Variants in ZNF888 observed in about 807,000 individuals in gnomAD.
ZNF888 encodes CTD-2331H12.6.
A neutral mutation model predicts 7.2 loss-of-function variants in ZNF888; 5 were observed. The observed-to-expected ratio is 0.70, with a 90% CI of 0.36 to 1.46. The LOEUF is 1.46. ZNF888 is among the 40% of genes most tolerant of loss of function. The probability of loss-of-function intolerance (pLI) is 0.03; values close to 1 mark genes in which losing one functional copy is unlikely to be tolerated. For synonymous variants in ZNF888, 240 were observed against 284.3 expected, an observed-to-expected ratio of 0.84 and a Z score of 1.57; for missense variants, 716 against 858.0, an observed-to-expected ratio of 0.83 and a Z score of 2.07.
At chr19:52,910,179 A>T (rs1310653470) in intron 4 of ZNF888, among the ~76,000 whole-genome samples, 13 of 141,358 alleles carry the variant, frequency 9.2e-5, no homozygotes, top group South Asian at 4.6e-4. Context: ...AAAAAAAAAG[A>T]ACTGAATAAC....
At position 52,919,422 on chromosome 19, in the gene ZNF888, G is replaced by T. The variant is rs2064795411; in HGVS notation, c.-177-485C>A. Among the ~76,000 whole-genome samples, 4 of 69,578 alleles carry T rather than the reference G, an allele frequency of 5.7e-5. 2 individuals carry two copies. The highest frequency in any genetic ancestry group is 1.4e-4 in the Non-Finnish European group (4 of 29,136). The allele number at this position is 69,578 out of a possible 152,430, so 45.6% of individuals were successfully genotyped here. A position where few individuals can be genotyped will look rare whatever the true frequency, so the allele number is the denominator to read the frequency against. ...CTAACCGCCAGCCTCGGCCTCCCGA[G>T]GTGCCGGGATTGCAGACGGAGTCTC... On this transcript the variant is annotated intron_variant, in intron 1 of 4. Coordinates refer to ENST00000638862, the MANE Select transcript of ZNF888 (RefSeq NM_001393938.1).
intron 3 of ZNF888, among the ~76,000 whole-genome samples, 175 bp downstream of exon 3, chr19:52,917,684 T>C (rs148663866): frequency 3.9e-4 from 60 of 152,250 alleles, no homozygotes; most frequent in Admixed American, 1.4e-3. Flanking sequence ...GTTCATGTCA[T>C]TGGGTCACGA....
chr19:52,909,755 AAAACCAC>A, intron 4 of ZNF888, among the ~76,000 whole-genome samples: 1 of 152,346 alleles, frequency 6.6e-6, no homozygotes, highest in South Asian at 2.1e-4. Context: ...TCTTAAGAAA[AAAACCAC>A]AACTTGTTCT....
Position 52,908,281 on chromosome 19 carries a change from C to A in ZNF888, c.143-102G>T, listed in dbSNP as rs2064635801. 6.0e-6 allele frequency: 7 copies of A among 1,161,032 alleles called. No homozygotes were observed. The South Asian group carries it at 6.6e-5, about 11-fold the overall frequency. 71.9% of individuals were successfully genotyped at this position (1,161,032 alleles called of 1,614,324 possible). ...CAAAAACAATACTTATTTTAAACAT[C>A]TCAAACATGAGCTTCAAAGTTCAGG... On this transcript the variant is annotated intron_variant, in intron 4 of 4. Coordinates refer to ENST00000638862, the MANE Select transcript of ZNF888 (RefSeq NM_001393938.1).
In ZNF888 at chr19:52,906,260, TCTC is replaced by T; in HGVS notation, c.2059_2061del (p.Glu687del). The T allele has an allele frequency of 1.2e-6, 2 of 1,611,954 alleles. No individual in the cohort carries two copies. Among genetic ancestry groups the T allele is most frequent in the African/African-American group, 2.7e-5 (2 of 75,014 alleles). ...CCACACTCACTACACTTGAAAGGTT[TCTC>T]TCCAGTATGAATTCTAGTATGTTGT... On this transcript the variant is annotated inframe_deletion, in exon 5 of 5. Coordinates refer to ENST00000638862, the MANE Select transcript of ZNF888 (RefSeq NM_001393938.1).
At chr19:52,913,972 A>G (rs1470034582) in intron 4 of ZNF888, among the ~76,000 whole-genome samples, 3 of 152,138 alleles carry the variant, frequency 2.0e-5, no homozygotes, top group Non-Finnish European at 4.4e-5. Context: ...CTAAAAACAC[A>G]AAGTTAGTTG....
Position 52,905,623 on chromosome 19 carries a change from T to C in ZNF888, c.*542A>G. On this transcript the variant is annotated 3_prime_UTR_variant, in exon 5 of 5. Transcript: ENST00000638862. The stretch of plus-strand genomic sequence containing the variant: ...AGCCACCGCACTCAGCCTAATCCTC[T>C]TAACATAAACACTTTAATGTCAATT... 1 of 385,228 alleles carries C rather than the reference T, an allele frequency of 2.6e-6. No homozygotes were observed. Among genetic ancestry groups the C allele is most frequent in the Non-Finnish European group, 5.3e-6 (1 of 190,226 alleles). 23.9% of individuals were successfully genotyped at this position (385,228 alleles called of 1,614,324 possible). A position where few individuals can be genotyped will look rare whatever the true frequency, so the allele number is the denominator to read the frequency against.
At chr19:52,911,792 G>C (rs1327641235) in intron 4 of ZNF888, among the ~76,000 whole-genome samples, 2 of 147,856 alleles carry the variant, frequency 1.4e-5, no homozygotes, top group African/African-American at 2.5e-5. Context: ...TCATCTAATA[G>C]CAGTAACATA....
At chr19:52,911,161 G>A (rs1393722284) in intron 4 of ZNF888, among the ~76,000 whole-genome samples, 1 of 151,986 alleles carries the variant, frequency 6.6e-6, no homozygotes, top group Admixed American at 6.6e-5. Context: ...TTACAGGTGT[G>A]AGCAATTGCA....
At chr19:52,922,954 A>G (rs2064839541) in intron 1 of ZNF888, among the ~76,000 whole-genome samples, 1 of 152,062 alleles carries the variant, frequency 6.6e-6, no homozygotes. Flanking sequence ...TGGGGTCCGC[A>G]GGATCCCACC....
At chr19:52,910,426 A>G (rs2064664985) in intron 4 of ZNF888, among the ~76,000 whole-genome samples, 1 of 152,160 alleles carries the variant, frequency 6.6e-6, no homozygotes, top group Admixed American at 6.5e-5. Context: ...AGCCGAGACC[A>G]TGCTACTGCA....
In ZNF888 at chr19:52,911,527, A is replaced by T. The variant is rs531986949; in HGVS notation, c.143-3348T>A. Among the ~76,000 whole-genome samples, 10 of 150,848 alleles carry T rather than the reference A, an allele frequency of 6.6e-5. No homozygotes were observed. In the East Asian group the frequency reaches 2.0e-3, roughly 30 times the overall value. On this transcript the variant is annotated intron_variant, in intron 4 of 4. Coordinates refer to ENST00000638862, the MANE Select transcript of ZNF888 (RefSeq NM_001393938.1). ...CTAATTTTTTGTATTTTTAGTAGAG[A>T]CGGGGTTTCACCATGTCAGCCAGGA...
At chr19:52,917,252 G>T (rs545098617) in intron 3 of ZNF888, 2 of 166,824 alleles carry the variant, frequency 1.2e-5, no homozygotes, top group South Asian at 3.1e-4. Context: ...GCAATCTCAG[G>T]TCACTGCAAC....
chr19:52,912,317 G>T (rs1311254345), intron 4 of ZNF888, among the ~76,000 whole-genome samples: 2 of 149,178 alleles, frequency 1.3e-5, no homozygotes, highest in Non-Finnish European at 3.0e-5. Context: ...GTTTCACCAT[G>T]TTAGCCAGGA....
Position 52,906,643 on chromosome 19 carries a change from T to G in ZNF888, c.1679A>C (p.Asn560Thr), listed in dbSNP as rs1023998120. 3.2e-5 allele frequency: 51 copies of G among 1,613,602 alleles called. No homozygotes were observed. The highest frequency in any genetic ancestry group is 3.9e-5 in the Non-Finnish European group (46 of 1,179,788). ...YKCNECGKSFNHKSSLAYHHR... is the reference protein window; with the variant it reads ...YKCNECGKSFTHKSSLAYHHR... ...ATGATATGCAAGGCTTGATTTGTGA[T>G]TAAAACTTTTGCCACATTCATTACA... The change falls in exon 5 of 5, where the codon AAT (asparagine) becomes ACT (threonine). Residue 560 changes from asparagine to threonine, a missense_variant. Around this residue, in one of 2 missense-constraint regions of ZNF888, gnomAD observed 697 missense variants for 803.4 expected, o/e 0.87. Coordinates refer to ENST00000638862, the MANE Select transcript of ZNF888 (RefSeq NM_001393938.1).
Position 52,920,858 on chromosome 19 carries a change from A to C in ZNF888, c.-177-1921T>G. Among the ~76,000 whole-genome samples, 2 of 29,862 alleles carry C rather than the reference A, an allele frequency of 6.7e-5. 1 individual carries two copies. Among genetic ancestry groups the C allele is most frequent in the Non-Finnish European group, 1.6e-4 (2 of 12,656 alleles). 19.6% of individuals were successfully genotyped at this position (29,862 alleles called of 152,430 possible). A position where few individuals can be genotyped will look rare whatever the true frequency, so the allele number is the denominator to read the frequency against. Reference sequence around the variant, plus strand: ...AAGCTGCGCCCCGACCACCTTGGGCATGTGTTCCTGGGACCCCCTGAGGCT... The same window carrying C: ...AAGCTGCGCCCCGACCACCTTGGGCCTGTGTTCCTGGGACCCCCTGAGGCT... On this transcript the variant is annotated intron_variant, in intron 1 of 4. Transcript: ENST00000638862.
intron 1 of ZNF888, among the ~76,000 whole-genome samples, chr19:52,922,268 T>TCCGTGC (rs1555740597): frequency 2.6e-5 from 4 of 151,674 alleles, no homozygotes; most frequent in Non-Finnish European, 4.4e-5. Context: ...TTCTCCCATC[T>TCCGTGC]CTCCTGAGCT....
intron 4 of ZNF888, among the ~76,000 whole-genome samples, chr19:52,911,775 A>C (rs2870129): frequency 0.36 from 54,852 of 152,082 alleles, 10,740 homozygotes; most frequent in Non-Finnish European, 0.45. Context: ...ACTTGCAATA[A>C]ATGAAGTCAT....
intron 4 of ZNF888, among the ~76,000 whole-genome samples, chr19:52,911,694 T>A (rs1348980788): frequency 1.3e-5 from 2 of 152,196 alleles, no homozygotes; most frequent in Non-Finnish European, 2.9e-5. Context: ...AAAAAGAGCA[T>A]CTTATCATCA....
Sources: allele counts gnomAD v4.1 joint callset (sites outside exome capture counted in the v4.1 genomes callset), GRCh38; gene constraint gnomAD v4.1.1; regional missense constraint gnomAD v4.1.1; transcripts MANE v1.5; gene names NCBI Gene and HGNC (gene_info 2026-07-23, HGNC 2026-07-21).